The following TLL1 variants were observed in gnomAD, a reference collection of about 807,000 sequenced individuals.
The protein encoded by TLL1 is tolloid like 1.
Under a neutral mutation model 128.2 loss-of-function variants are expected in TLL1, and 49 were observed. The observed-to-expected ratio is 0.38, with a 90% CI of 0.30 to 0.48. The LOEUF (loss-of-function observed/expected upper bound fraction) is 0.48, where lower values mean the gene tolerates loss of function less well. TLL1 is among the 20% of genes least tolerant of loss of function. The probability of loss-of-function intolerance (pLI) is 0.96; values close to 1 mark genes in which losing one functional copy is unlikely to be tolerated. For synonymous variants in TLL1, 454 were observed against 418.8 expected (o/e 1.08, Z -1.03); for missense variants, 1,123 against 1,242.0 (o/e 0.90, Z 1.44).
At chr4:165,897,228 T>C (rs1561013112) in intron 1 of TLL1, among the ~76,000 whole-genome samples, 1 of 152,214 alleles carries the variant, frequency 6.6e-6, no homozygotes, top group Non-Finnish European at 1.5e-5. Context: ...CTCTTTAGTT[T>C]AATTAGATCC....
At chr4:165,933,498 C>A (rs1561037579) in intron 1 of TLL1, among the ~76,000 whole-genome samples, 1 of 152,164 alleles carries the variant, frequency 6.6e-6, no homozygotes, top group Non-Finnish European at 1.5e-5. Flanking sequence ...TCCATCCTGG[C>A]AGCCTGTCCA....
chr4:166,018,825 G>C (rs1388144754), intron 8 of TLL1, among the ~76,000 whole-genome samples: 1 of 152,178 alleles, frequency 6.6e-6, no homozygotes, highest in East Asian at 1.9e-4. Context: ...AGAGGCTGTA[G>C]AGTAAAGGGA....
intron 1 of TLL1, among the ~76,000 whole-genome samples, chr4:165,874,745 G>A (rs542670494): frequency 6.6e-6 from 1 of 152,360 alleles, no homozygotes; most frequent in Admixed American, 6.5e-5. Context: ...AACACCCCAG[G>A]GAAATGCAGT....
At chr4:166,003,826 C>T (rs952434145) in intron 6 of TLL1, among the ~76,000 whole-genome samples, 2 of 151,774 alleles carry the variant, frequency 1.3e-5, no homozygotes, top group East Asian at 1.9e-4. Context: ...AACTTTGGTG[C>T]TTTCCAAGAA....
intron 1 of TLL1, among the ~76,000 whole-genome samples, chr4:165,887,242 A>G (rs1203764668): frequency 6.6e-6 from 1 of 152,122 alleles, no homozygotes; most frequent in Non-Finnish European, 1.5e-5. Flanking sequence ...GAGCTGGTGT[A>G]GTTGGTGGAA....
chr4:165,933,685 TA>T (rs1390573103), intron 1 of TLL1, among the ~76,000 whole-genome samples: 1 of 152,118 alleles, frequency 6.6e-6, no homozygotes, highest in Non-Finnish European at 1.5e-5. Context: ...GATGGCTTCT[TA>T]CCTAGAATAG....
intron 12 of TLL1, among the ~76,000 whole-genome samples, chr4:166,044,050 A>T (rs1739354999): frequency 6.6e-6 from 1 of 152,174 alleles, no homozygotes; most frequent in Admixed American, 6.5e-5. Flanking sequence ...AAAGGGACTG[A>T]GTTAAACATT....
intron 8 of TLL1, among the ~76,000 whole-genome samples, chr4:166,018,016 G>A (rs1368945257): frequency 2.0e-5 from 3 of 152,140 alleles, no homozygotes; most frequent in African/African-American, 2.4e-5. Flanking sequence ...TTAATAGGGT[G>A]ACTCATCTGT....
chr4:165,940,169 T>G (rs1207652115), intron 1 of TLL1, among the ~76,000 whole-genome samples: 1 of 152,064 alleles, frequency 6.6e-6, no homozygotes, highest in East Asian at 1.9e-4. Flanking sequence ...ATTTATGTTT[T>G]TTTTCTGTTT....
intron 12 of TLL1, among the ~76,000 whole-genome samples, chr4:166,047,553 A>G (rs925095697): frequency 6.6e-6 from 1 of 150,910 alleles, no homozygotes; most frequent in African/African-American, 2.4e-5. Context: ...AGGACCATGA[A>G]GATAAACTTG....
At chr4:165,897,531 G>C (rs1023324163) in intron 1 of TLL1, among the ~76,000 whole-genome samples, 5 of 152,080 alleles carry the variant, frequency 3.3e-5, no homozygotes, top group Non-Finnish European at 5.9e-5. Context: ...AGATCAGATG[G>C]TTGTAGATGT....
intron 9 of TLL1, chr4:166,031,022 CA>C: frequency 5.4e-6 from 5 of 919,792 alleles, no homozygotes; most frequent in Non-Finnish European, 6.5e-6. Context: ...AGTGATTTAA[CA>C]AGCACTAAAA....
At chr4:166,038,542 C>T (rs1050193413) in intron 9 of TLL1, among the ~76,000 whole-genome samples, 5 of 151,042 alleles carry the variant, frequency 3.3e-5, no homozygotes, top group South Asian at 2.1e-4. Context: ...ATACTTCTCG[C>T]GTAAGTTTGG....
intron 1 of TLL1, among the ~76,000 whole-genome samples, chr4:165,877,757 C>T (rs1730783097): frequency 1.3e-5 from 2 of 150,876 alleles, no homozygotes; most frequent in South Asian, 2.1e-4. Context: ...TACTTCCTTC[C>T]CTTCTTTCCC....
At chr4:166,061,370 C>A (rs192062707) in intron 15 of TLL1, among the ~76,000 whole-genome samples, 265 of 151,964 alleles carry the variant, frequency 1.7e-3, no homozygotes, top group Middle Eastern at 0.01. Context: ...CCTCAGCCTC[C>A]CGAATAGCTG....
At chr4:166,100,339 G>A (rs1470536004) in intron 20 of TLL1, among the ~76,000 whole-genome samples, 19 of 152,214 alleles carry the variant, frequency 1.2e-4, no homozygotes, top group Non-Finnish European at 1.5e-5. Context: ...GATTTTGGAA[G>A]TGGCTCTGCT....
intron 1 of TLL1, among the ~76,000 whole-genome samples, chr4:165,899,891 C>G (rs1399370959): frequency 6.6e-6 from 1 of 152,084 alleles, no homozygotes; most frequent in Non-Finnish European, 1.5e-5. Flanking sequence ...CTTTATGAAT[C>G]TGGGTGCTAC....
intron 7 of TLL1, among the ~76,000 whole-genome samples, chr4:166,009,850 T>A (rs576607918): frequency 1.3e-5 from 2 of 151,440 alleles, no homozygotes; most frequent in Non-Finnish European, 3.0e-5. Context: ...TCAAATTTAC[T>A]GTCCTAACCA....
intron 18 of TLL1, among the ~76,000 whole-genome samples, chr4:166,086,677 T>G (rs1377212503): frequency 6.6e-6 from 1 of 152,122 alleles, no homozygotes; most frequent in Non-Finnish European, 1.5e-5. Flanking sequence ...TGAATGTAAC[T>G]TTCGGAACAT....
Sources: gnomAD v4.1 joint callset for allele counts (sites outside exome capture counted in the v4.1 genomes callset) on GRCh38, gnomAD v4.1.1 for gene constraint, MANE v1.5 for transcripts, NCBI Gene and HGNC (gene_info 2026-07-23, HGNC 2026-07-21) for gene names.